FRMD4A: variants seen among roughly 807,000 people sequenced by gnomAD.
FRMD4A encodes FERM domain containing 4A, also known as FERM domain-containing protein 4A.
A neutral mutation model predicts 129.1 loss-of-function variants in FRMD4A; 29 were observed. The observed-to-expected ratio is 0.22, with a 90% CI of 0.17 to 0.31. The LOEUF is 0.31. Ranked by LOEUF, FRMD4A falls within the 10% of genes least tolerant of loss-of-function variation. FRMD4A has a pLI of 1.00. For synonymous variants in FRMD4A, 634 were observed against 571.6 expected (o/e 1.11, Z -1.56); for missense variants, 1,272 against 1,375.8 (o/e 0.92, Z 1.19).
At chr10:14,289,567 CA>C (rs1488537342) in intron 2 of FRMD4A, among the ~76,000 whole-genome samples, 2 of 151,988 alleles carry the variant, frequency 1.3e-5, no homozygotes, top group Non-Finnish European at 2.9e-5. Context: ...AATTTTTTTA[CA>C]ATTCTGTAGA....
chr10:14,211,154 T>C (rs1182468794), intron 2 of FRMD4A, among the ~76,000 whole-genome samples: 2 of 152,264 alleles, frequency 1.3e-5, no homozygotes, highest in Non-Finnish European at 2.9e-5. Context: ...AATAAATTAA[T>C]GTATAATGTT....
At chr10:14,103,149 A>G (rs1837400495) in intron 2 of FRMD4A, among the ~76,000 whole-genome samples, 1 of 152,228 alleles carries the variant, frequency 6.6e-6, no homozygotes, top group African/African-American at 2.4e-5. Context: ...AGCAGGCCCT[A>G]CTGCTGAAGT....
chr10:13,949,613 A>G (rs184050138), intron 2 of FRMD4A, among the ~76,000 whole-genome samples: 45 of 152,356 alleles, frequency 3.0e-4, no homozygotes, highest in Admixed American at 2.0e-3. Flanking sequence ...AGACTTTTCA[A>G]AAGCCTGAGA....
At chr10:13,967,525 T>G (rs894330350) in intron 2 of FRMD4A, among the ~76,000 whole-genome samples, 15 of 152,058 alleles carry the variant, frequency 9.9e-5, no homozygotes, top group African/African-American at 3.6e-4. Flanking sequence ...CCCAATAACC[T>G]ATGGAAATAA....
At chr10:14,027,158 G>A (rs1041231647) in intron 2 of FRMD4A, among the ~76,000 whole-genome samples, 15 of 152,238 alleles carry the variant, frequency 9.9e-5, no homozygotes, top group Admixed American at 3.3e-4. Flanking sequence ...TTTAATAGCT[G>A]GAATTTCATA....
At chr10:13,662,198 T>A (rs2082687620) in intron 19 of FRMD4A, among the ~76,000 whole-genome samples, 1 of 152,208 alleles carries the variant, frequency 6.6e-6, no homozygotes, top group South Asian at 2.1e-4. Context: ...GGATCTCTGA[T>A]GCTCAAGCCC....
chr10:13,761,960 G>T (rs1168820540), intron 7 of FRMD4A, among the ~76,000 whole-genome samples: 1 of 152,184 alleles, frequency 6.6e-6, no homozygotes, highest in Non-Finnish European at 1.5e-5. Flanking sequence ...CTAGATTAAA[G>T]ATTCTAAATA....
At chr10:13,673,017 GA>G (rs1357667663) in intron 16 of FRMD4A, among the ~76,000 whole-genome samples, 1 of 152,144 alleles carries the variant, frequency 6.6e-6, no homozygotes, top group Non-Finnish European at 1.5e-5. Flanking sequence ...GCGATGGTGA[GA>G]TTTTTTTATA....
intron 2 of FRMD4A, among the ~76,000 whole-genome samples, chr10:13,893,199 G>A (rs918073787): frequency 6.6e-6 from 1 of 152,020 alleles, no homozygotes; most frequent in Admixed American, 6.6e-5. Context: ...ACCACACGCT[G>A]CTAATTTTTG....
chr10:14,128,887 G>C (rs1839075404), intron 2 of FRMD4A, among the ~76,000 whole-genome samples: 1 of 152,158 alleles, frequency 6.6e-6, no homozygotes, highest in Admixed American at 6.5e-5. Flanking sequence ...GTCAGACGAA[G>C]TAAAGAACCT....
chr10:14,257,146 C>T (rs906751013), intron 2 of FRMD4A, among the ~76,000 whole-genome samples: 1 of 152,096 alleles, frequency 6.6e-6, no homozygotes, highest in African/African-American at 2.4e-5. Context: ...GCCTGGCCAA[C>T]CTGGTGAAAC....
At chr10:14,112,230 A>T (rs1837949140) in intron 2 of FRMD4A, among the ~76,000 whole-genome samples, 1 of 152,112 alleles carries the variant, frequency 6.6e-6, no homozygotes, top group African/African-American at 2.4e-5. Context: ...CAGAGCAGTC[A>T]AGTCCATGTT....
At chr10:14,185,305 G>C (rs889231622) in intron 2 of FRMD4A, among the ~76,000 whole-genome samples, 2 of 152,280 alleles carry the variant, frequency 1.3e-5, no homozygotes, top group Admixed American at 6.5e-5. Context: ...GAAGGATGTA[G>C]AGATAGAGTC....
chr10:13,828,268 A>G (rs2130929446), intron 3 of FRMD4A, among the ~76,000 whole-genome samples: 1 of 152,226 alleles, frequency 6.6e-6, no homozygotes, highest in South Asian at 2.1e-4. Flanking sequence ...CCATCACCCA[A>G]ATAGCATCCG....
At chr10:14,158,373 G>A (rs931910902) in intron 2 of FRMD4A, among the ~76,000 whole-genome samples, 1 of 152,136 alleles carries the variant, frequency 6.6e-6, no homozygotes, top group Non-Finnish European at 1.5e-5. Flanking sequence ...TGCTTTGGGA[G>A]GCCGAGGCAG....
At chr10:14,296,441 T>C (rs1846011471) in intron 2 of FRMD4A, among the ~76,000 whole-genome samples, 1 of 152,174 alleles carries the variant, frequency 6.6e-6, no homozygotes. Context: ...TCTGGGCCTG[T>C]CCTTCCAGTG....
intron 2 of FRMD4A, among the ~76,000 whole-genome samples, chr10:13,909,183 G>A (rs2094913894): frequency 6.6e-6 from 1 of 152,186 alleles, no homozygotes; most frequent in Admixed American, 6.5e-5. Context: ...TCTGCTATGT[G>A]AGACACAGTA....
rs531965305 is a variant in FRMD4A at position 13,736,262 on chromosome 10, C to T, written c.759+1582G>A. Among the ~76,000 whole-genome samples the T allele has an allele frequency of 5.3e-5, 8 of 152,080 alleles. No individual in the cohort carries two copies. The South Asian group carries it at 6.2e-4, about 12-fold the overall frequency. On this transcript the variant is annotated intron_variant, in intron 12 of 24. Coordinates refer to ENST00000357447, the MANE Select transcript of FRMD4A (RefSeq NM_018027.5). ...AAGGCACAGAAAATTAAAAATGCCA[C>T]GTGGGAAAAAGGCACAGGGAAAACA... is the stretch of plus-strand genomic sequence containing the variant.
chr10:13,947,403 A>C (rs1168721998), intron 2 of FRMD4A, among the ~76,000 whole-genome samples: 1 of 152,086 alleles, frequency 6.6e-6, no homozygotes, highest in Non-Finnish European at 1.5e-5. Flanking sequence ...AAACAAGGGG[A>C]GCTTGTTGCA....
Sources: gnomAD v4.1 joint callset for allele counts (sites outside exome capture counted in the v4.1 genomes callset) on GRCh38, gnomAD v4.1.1 for gene constraint, MANE v1.5 for transcripts, NCBI Gene and HGNC (gene_info 2026-07-23, HGNC 2026-07-21) for gene names.